ALDH1L1: variants seen among roughly 807,000 people sequenced by gnomAD.
ALDH1L1 encodes aldehyde dehydrogenase 1 family member L1.
In ALDH1L1, 68 loss-of-function variants were observed where a neutral mutation model predicts 101.1. That is an observed-to-expected ratio of 0.67 (90% CI 0.55 to 0.82). The LOEUF (loss-of-function observed/expected upper bound fraction) is 0.82. Ranked by LOEUF, ALDH1L1 falls within the 40% of genes least tolerant of loss-of-function variation. ALDH1L1 has a pLI of 0.00. For synonymous variants in ALDH1L1, 486 were observed against 470.8 expected, an observed-to-expected ratio of 1.03 and a Z score of -0.42; for missense variants, 1,087 against 1,172.7, an observed-to-expected ratio of 0.93 and a Z score of 1.07.
chr3:126,112,665 T>A (rs2108186974), intron 19 of ALDH1L1, 117 bp downstream of exon 19: 10 of 958,662 alleles, frequency 1.0e-5, no homozygotes, highest in Non-Finnish European at 1.5e-5. Flanking sequence ...GGGAGTGTCC[T>A]CCAGGAGGAG....
intron 1 of ALDH1L1, among the ~76,000 whole-genome samples, chr3:126,176,198 G>T (rs1052454622): frequency 1.3e-5 from 2 of 152,126 alleles, no homozygotes; most frequent in African/African-American, 4.8e-5. Flanking sequence ...ATAAATAAAT[G>T]AAGAGATAGT....
chr3:126,146,788 C>A, intron 9 of ALDH1L1, 47 bp downstream of exon 9: 1 of 1,592,012 alleles, frequency 6.3e-7, no homozygotes. Context: ...AGATTTGTGA[C>A]ACAGCACCAA....
At chr3:126,146,421 C>T (rs1327455955) in intron 9 of ALDH1L1, among the ~76,000 whole-genome samples, 1 of 152,194 alleles carries the variant, frequency 6.6e-6, no homozygotes, top group Non-Finnish European at 1.5e-5. Context: ...CTGAGCCCAG[C>T]ACAAACTGTC....
rs746756048 is a variant in ALDH1L1 at position 126,107,167 on chromosome 3, G to T, written c.2427C>A (p.Val809=). Residue 809 remains valine (V), a synonymous_variant, in exon 21 of 23, where the codon GTC becomes GTA. Transcript: ENST00000393434. ...FIAKEESFGP[V]MIISRFADGD... is the part of the protein sequence containing the mutation. ...CATCAGCAAACCGAGAGATGATCAT[G>T]ACAGGCCCGAAGGACTCCTCCTTGG... is the stretch of plus-strand genomic sequence containing the variant. The T allele has an allele frequency of 1.2e-6, 2 of 1,614,170 alleles. No homozygotes were observed. The highest frequency in any genetic ancestry group is 2.2e-5 in the East Asian group (1 of 44,884).
chr3:126,181,098 G>A (rs1050286983), upstream of ALDH1L1: 9 of 1,173,164 alleles, frequency 7.7e-6, no homozygotes, highest in South Asian at 2.6e-5. Flanking sequence ...GTGCCTACCC[G>A]CCTCTCCGAG....
rs149984751 is a variant in ALDH1L1 at position 126,171,178 on chromosome 3, G to C, written c.-24+9298C>G. Among the ~76,000 whole-genome samples the C allele has an allele frequency of 7.2e-3, 1,100 of 152,282 alleles. 8 individuals are homozygous for C. Among genetic ancestry groups the C allele is most frequent in the African/African-American group, 0.026 (1,061 of 41,558 alleles). On this transcript the variant is annotated intron_variant, in intron 1 of 22. Coordinates refer to ENST00000393434, the MANE Select transcript of ALDH1L1 (RefSeq NM_012190.4). ...CCAGGCGTGGTGGCGCATGCCTGTA[G>C]TCCCATCTACTCAGGAGGCTGAGGC...
chr3:126,104,221 T>C, intron 22 of ALDH1L1: 1 of 261,576 alleles, frequency 3.8e-6, no homozygotes, highest in Non-Finnish European at 7.4e-6. Context: ...TGCATCAAGC[T>C]GTGGCTGGGA....
At chr3:126,114,804 C>T (rs761271469) in intron 17 of ALDH1L1, 148 bp from the exon 18 acceptor site, 2 of 731,512 alleles carry the variant, frequency 2.7e-6, no homozygotes, top group East Asian at 2.7e-5. Flanking sequence ...CCCCCCCACC[C>T]CTTGCGGCTT....
chr3:126,178,641 A>C (rs1313047836), intron 1 of ALDH1L1, among the ~76,000 whole-genome samples: 5 of 152,152 alleles, frequency 3.3e-5, no homozygotes, highest in African/African-American at 1.2e-4. Flanking sequence ...TAAGAAGAAA[A>C]CATTAAATTA....
intron 15 of ALDH1L1, among the ~76,000 whole-genome samples, chr3:126,125,163 G>A (rs1035957463): frequency 4.6e-5 from 7 of 152,202 alleles, no homozygotes; most frequent in African/African-American, 1.2e-4. Context: ...ACCACACTGC[G>A]TAGCTTCTGT....
At position 126,109,940 on chromosome 3, in the gene ALDH1L1, T is replaced by C; in HGVS notation, c.2347+4A>G. 1 of 1,613,588 alleles carries C rather than the reference T, an allele frequency of 6.2e-7. No individual in the cohort carries two copies. Among genetic ancestry groups the C allele is most frequent in the Non-Finnish European group, 8.5e-7 (1 of 1,179,890 alleles). ...CCAAGCGGACCTGACACACTCTGAC[T>C]CACCTGGCCGAGGGACCTGATTCCC... On this transcript the variant is annotated splice_donor_region_variant and intron_variant, in intron 20 of 22. Coordinates refer to ENST00000393434, the MANE Select transcript of ALDH1L1 (RefSeq NM_012190.4).
chr3:126,169,531 T>G (rs1360795204), intron 1 of ALDH1L1, among the ~76,000 whole-genome samples: 1 of 152,218 alleles, frequency 6.6e-6, no homozygotes, highest in Non-Finnish European at 1.5e-5. Flanking sequence ...ATATTTTGTG[T>G]GCACAGTCCC....
intron 14 of ALDH1L1, among the ~76,000 whole-genome samples, chr3:126,126,553 C>T (rs1239184537): frequency 6.6e-6 from 1 of 150,480 alleles, no homozygotes; most frequent in Admixed American, 6.7e-5. Flanking sequence ...GGGGGAGCAG[C>T]AGGGAGCACT....
At chr3:126,127,474 G>A (rs2080212790) in intron 14 of ALDH1L1, among the ~76,000 whole-genome samples, 1 of 152,078 alleles carries the variant, frequency 6.6e-6, no homozygotes, top group South Asian at 2.1e-4. Flanking sequence ...ACGCTCCTGG[G>A]GAGCTGCATG....
intron 1 of ALDH1L1, among the ~76,000 whole-genome samples, chr3:126,173,683 A>T (rs2081322828): frequency 6.6e-6 from 1 of 152,220 alleles, no homozygotes; most frequent in African/African-American, 2.4e-5. Context: ...AAGAATCGTG[A>T]CCTAACTATA....
At chr3:126,165,603 T>C (rs1459552075) in intron 1 of ALDH1L1, among the ~76,000 whole-genome samples, 1 of 152,208 alleles carries the variant, frequency 6.6e-6, no homozygotes, top group Non-Finnish European at 1.5e-5. Flanking sequence ...GTTTCAGAGC[T>C]CAATATTGGT....
upstream of ALDH1L1, among the ~76,000 whole-genome samples, chr3:126,184,978 T>C (rs2108351146): frequency 6.6e-6 from 1 of 152,294 alleles, no homozygotes; most frequent in Non-Finnish European, 1.5e-5. Context: ...ACTCATGATG[T>C]CACCTGATCC....
chr3:126,111,344 A>ACTTC (rs1946071528), intron 19 of ALDH1L1, among the ~76,000 whole-genome samples: 2 of 152,280 alleles, frequency 1.3e-5, no homozygotes, highest in South Asian at 2.1e-4. Context: ...GTCCACGTGA[A>ACTTC]CATGTCCCAG....
Position 126,153,584 on chromosome 3 carries a change from G to T in ALDH1L1, c.721-3C>A, listed in dbSNP as rs1368728731. On this transcript the variant is annotated splice_region_variant and splice_polypyrimidine_tract_variant and intron_variant, in intron 6 of 22. Transcript: ENST00000393434. ...GTTGAGTTGAAAAATGTCAGTTTCT[G>T]TCAAGGGGAGAAATATCAGAAGATG... 1.2e-6 allele frequency: 2 copies of T among 1,610,482 alleles called. No homozygotes were observed. The highest frequency in any genetic ancestry group is 1.7e-5 in the Admixed American group (1 of 59,860).
Sources: allele counts gnomAD v4.1 joint callset (sites outside exome capture counted in the v4.1 genomes callset), GRCh38; gene constraint gnomAD v4.1.1; transcripts MANE v1.5; gene names NCBI Gene and HGNC (gene_info 2026-07-23, HGNC 2026-07-21).